Variants in TGM5 observed in about 807,000 individuals in gnomAD.
The protein encoded by TGM5 is transglutaminase 5.
In TGM5, 69 loss-of-function variants were observed where a neutral mutation model predicts 77.2. The observed-to-expected ratio is 0.89, with a 90% CI of 0.74 to 1.09. The LOEUF (loss-of-function observed/expected upper bound fraction) is 1.09, where lower values mean the gene tolerates loss of function less well. TGM5 is among the 50% of genes least tolerant of loss of function. TGM5 has a pLI of 0.00. For synonymous variants in TGM5, 346 were observed against 351.8 expected (o/e 0.98, Z 0.18); for missense variants, 842 against 896.5 (o/e 0.94, Z 0.78).
intron 4 of TGM5, among the ~76,000 whole-genome samples, chr15:43,255,558 C>A (rs2042736893): frequency 6.6e-6 from 1 of 152,112 alleles, no homozygotes; most frequent in Non-Finnish European, 1.5e-5. Context: ...ACCCCTGGGC[C>A]CAGGCTGGGG....
At position 43,235,634 on chromosome 15, in the gene TGM5, G is replaced by A; in HGVS notation, c.1549C>T (p.Pro517Ser). 6.2e-7 allele frequency: 1 copy of A among 1,614,206 alleles called. No homozygotes were observed. Among genetic ancestry groups the A allele is most frequent in the Non-Finnish European group, 8.5e-7 (1 of 1,180,044 alleles). The change falls in exon 10 of 13, where the codon CCC (proline) becomes TCC (serine). Residue 517 changes from proline to serine, a missense_variant. Physicochemically the swap from Pro to Ser is moderately conservative, Grantham distance 74. Around this residue, in one of 2 missense-constraint regions of TGM5, gnomAD observed 815 missense variants for 844.6 expected, o/e 0.96. Transcript: ENST00000220420. ...AAGCATATATCCTGGCCCATGTTGG[G>A]CGGGTCGAGCAGCTTGAATTTCAGG... ...VSLKFKLLDP[P>S]NMGQDICFVL...
intron 1 of TGM5, among the ~76,000 whole-genome samples, 192 bp downstream of exon 1, chr15:43,266,647 TC>T (rs2042826420): frequency 6.6e-6 from 1 of 152,232 alleles, no homozygotes; most frequent in South Asian, 2.1e-4. Context: ...TGTTTACCTG[TC>T]TGCCTCTACG....
intron 5 of TGM5, 35 bp downstream of exon 5, chr15:43,253,471 G>T: frequency 6.2e-7 from 1 of 1,606,648 alleles, no homozygotes; most frequent in Non-Finnish European, 8.5e-7. Flanking sequence ...CCGCTGCACA[G>T]CTTCCTCCCT....
At chr15:43,245,025 C>T (rs530283659) in intron 6 of TGM5, among the ~76,000 whole-genome samples, 11 of 152,120 alleles carry the variant, frequency 7.2e-5, no homozygotes, top group South Asian at 6.2e-4. Flanking sequence ...GCCATAATGG[C>T]GCCACTGCAC....
chr15:43,233,601 C>T lies in TGM5; in HGVS notation c.1962G>A (p.Val654=). 6.2e-7 allele frequency: 1 copy of T among 1,614,224 alleles called. No homozygotes were observed. The highest frequency in any genetic ancestry group is 2.2e-5 in the East Asian group (1 of 44,890). Residue 654 remains valine (V), a synonymous_variant, in exon 12 of 13, where the codon GTG becomes GTA. Transcript: ENST00000220420. ...NPLSEQVEDC[V]LTVEGSGLFK... ...AGAGGCCACTTCCTTCCACAGTCAGCACACAGTCCTCAACCTGCTCCGAGA... is the reference window on the plus strand; with the variant it reads ...AGAGGCCACTTCCTTCCACAGTCAGTACACAGTCCTCAACCTGCTCCGAGA...
rs182570464 is a variant in TGM5, at chr15:43,248,018, C to T, written c.862+4741G>A. 3.1e-3 allele frequency among the ~76,000 whole-genome samples: 478 copies of T among 151,972 alleles called. 1 individual carries two copies. The highest frequency in any genetic ancestry group is 0.014 in the Middle Eastern group (4 of 294). On this transcript the variant is annotated intron_variant, in intron 6 of 12. Coordinates refer to ENST00000220420, the MANE Select transcript of TGM5 (RefSeq NM_201631.4). ...GGGAAATTAATTTTAATAAGAAGGG[C>T]CTTTTACAAAGAGGGGCCTGAGCAG...
chr15:43,238,681 A>G, intron 9 of TGM5, 136 bp downstream of exon 9: 8 of 1,383,134 alleles, frequency 5.8e-6, no homozygotes, highest in Non-Finnish European at 7.9e-6. Context: ...AGGCCACCCC[A>G]ACTGGGGCCT....
rs1350735825 is a variant in TGM5 at position 43,239,435 on chromosome 15, A to T, written c.1002-169T>A. ...GATGGCTCATGCCAGTAATCTTAGT[A>T]CTTTGGGAGTCTGAGGTGAGAGGAT... On this transcript the variant is annotated intron_variant, in intron 7 of 12. Coordinates refer to ENST00000220420, the MANE Select transcript of TGM5 (RefSeq NM_201631.4). 1.0e-5 allele frequency: 7 copies of T among 697,334 alleles called. No homozygotes were observed. The Admixed American group carries it at 1.2e-4, about 12-fold the overall frequency. 43.2% of individuals were successfully genotyped at this position (697,334 alleles called of 1,614,324 possible). A position where few individuals can be genotyped will look rare whatever the true frequency, so the allele number is the denominator to read the frequency against.
intron 10 of TGM5, 84 bp from the exon 11 acceptor site, chr15:43,235,013 A>C: frequency 6.6e-7 from 1 of 1,507,620 alleles, no homozygotes; most frequent in Non-Finnish European, 9.1e-7. Context: ...TCTTCCACAG[A>C]GAAGAGAAAG....
At position 43,238,800 on chromosome 15, in the gene TGM5, C is replaced by T. The variant is rs1046833788; in HGVS notation, c.1345+17G>A. 1.9e-6 allele frequency: 3 copies of T among 1,613,326 alleles called. No individual in the cohort carries two copies. The East Asian group carries it at 6.7e-5, about 36-fold the overall frequency. ...TGCAGGGCTGGGGCTCTGAGTAGGGCTGGCTTGCTTACTTACCTTCTTCAT... is the reference window on the plus strand; with the variant it reads ...TGCAGGGCTGGGGCTCTGAGTAGGGTTGGCTTGCTTACTTACCTTCTTCAT... On this transcript the variant is annotated intron_variant, in intron 9 of 12. Coordinates refer to ENST00000220420, the MANE Select transcript of TGM5 (RefSeq NM_201631.4).
intron 3 of TGM5, among the ~76,000 whole-genome samples, chr15:43,257,559 G>A (rs2042751305): frequency 6.6e-6 from 1 of 152,144 alleles, no homozygotes; most frequent in Non-Finnish European, 1.5e-5. Flanking sequence ...AGGAAGGTAA[G>A]GATTGAAAAA....
At position 43,232,822 on chromosome 15, in the gene TGM5, C is replaced by T. The variant is rs2042555903; in HGVS notation, c.*369G>A. ...GATGGGACACAGTGGAATCCCTGGG[C>T]CCTGAAAAGAGTCCAGGGGAGCTGT... On this transcript the variant is annotated 3_prime_UTR_variant, in exon 13 of 13. Transcript: ENST00000220420. 2 of 277,856 alleles carry T rather than the reference C, an allele frequency of 7.2e-6. No homozygotes were observed. Among genetic ancestry groups the T allele is most frequent in the South Asian group, 8.0e-5 (2 of 24,940 alleles). The allele number at this position is 277,856 out of a possible 1,614,324, so 17.2% of individuals were successfully genotyped here.
At chr15:43,249,444 C>A (rs1318019653) in intron 6 of TGM5, among the ~76,000 whole-genome samples, 1 of 152,198 alleles carries the variant, frequency 6.6e-6, no homozygotes, top group Non-Finnish European at 1.5e-5. Flanking sequence ...TCCTCCCAGC[C>A]CTAAGCAACC....
intron 6 of TGM5, among the ~76,000 whole-genome samples, chr15:43,246,665 A>G (rs1427002531): frequency 6.6e-6 from 1 of 152,174 alleles, no homozygotes; most frequent in Non-Finnish European, 1.5e-5. Context: ...AGATGGCTCA[A>G]ATTTGCAGGA....
At chr15:43,253,747 CTG>C in intron 4 of TGM5, 113 bp from the exon 5 acceptor site, 1 of 1,432,828 alleles carries the variant, frequency 7.0e-7, no homozygotes, top group African/African-American at 1.4e-5. Context: ...TGGAAGGTAA[CTG>C]TGTCAAACAG....
intron 9 of TGM5, among the ~76,000 whole-genome samples, chr15:43,236,911 G>A (rs769586015): frequency 2.7e-5 from 4 of 150,070 alleles, no homozygotes; most frequent in Admixed American, 1.3e-4. Flanking sequence ...AGAGGTTGCA[G>A]TGAGCGGAGA....
rs760495122 is a variant in TGM5, at chr15:43,232,806, C to A, written c.*385G>T. The A allele has an allele frequency of 3.8e-6, 1 of 261,744 alleles. No individual in the cohort carries two copies. The highest frequency in any genetic ancestry group is 7.4e-6 in the Non-Finnish European group (1 of 135,492). 16.2% of individuals were successfully genotyped at this position (261,744 alleles called of 1,614,324 possible). A position where few individuals can be genotyped will look rare whatever the true frequency, so the allele number is the denominator to read the frequency against. The stretch of plus-strand genomic sequence containing the variant: ...AATCCTGGAATCTCTGGATGGGACA[C>A]AGTGGAATCCCTGGGCCCTGAAAAG... On this transcript the variant is annotated 3_prime_UTR_variant, in exon 13 of 13. Transcript: ENST00000220420.
rs2042565068 is a variant in TGM5 at position 43,233,673 on chromosome 15, GGCT to G, written c.1887_1889del (p.Ala630del). On this transcript the variant is annotated inframe_deletion, in exon 12 of 13. Transcript: ENST00000220420. The stretch of plus-strand genomic sequence containing the variant: ...GTATGGAGAGTGGCTGGTTCACAAC[GGCT>G]GCTCCTAGAACCTAAACAGACCAGG... 1 of 1,613,948 alleles carries G rather than the reference GGCT, an allele frequency of 6.2e-7. No homozygotes were observed. Among genetic ancestry groups the G allele is most frequent in the African/African-American group, 1.3e-5 (1 of 74,888 alleles).
chr15:43,257,114 G>A (rs2042747550), intron 3 of TGM5, among the ~76,000 whole-genome samples: 3 of 152,188 alleles, frequency 2.0e-5, no homozygotes, highest in Admixed American at 2.0e-4. Context: ...GGTTGGCATT[G>A]ACCTCATTAT....
Sources: gnomAD v4.1 joint callset for allele counts (sites outside exome capture counted in the v4.1 genomes callset) on GRCh38, gnomAD v4.1.1 for gene constraint, gnomAD v4.1.1 regional missense constraint, MANE v1.5 for transcripts, NCBI Gene and HGNC (gene_info 2026-07-23, HGNC 2026-07-21) for gene names.